The following ADK variants were observed in gnomAD, a reference collection of about 807,000 sequenced individuals.
The protein encoded by ADK is adenosine kinase, also known as N6,N6-dimethyladenosine kinase.
Under a neutral mutation model 44.7 loss-of-function variants are expected in ADK, and 24 were observed. The observed-to-expected ratio is 0.54, with a 90% CI of 0.39 to 0.76. The LOEUF (loss-of-function observed/expected upper bound fraction) is 0.76, where lower values mean the gene tolerates loss of function less well. Ranked by LOEUF, ADK falls within the 30% of genes least tolerant of loss-of-function variation. The probability of loss-of-function intolerance (pLI) is 0.00; values close to 1 mark genes in which losing one functional copy is unlikely to be tolerated. For missense variants in ADK, 321 were observed against 425.1 expected, an observed-to-expected ratio of 0.76 and a Z score of 2.15; for synonymous variants, 128 against 142.6, an observed-to-expected ratio of 0.90 and a Z score of 0.73.
intron 4 of ADK, among the ~76,000 whole-genome samples, chr10:74,372,682 A>G (rs554146550): frequency 3.9e-5 from 6 of 152,338 alleles, no homozygotes; most frequent in South Asian, 2.1e-4. Context: ...TAAAAACTAC[A>G]TAACATTGAA....
chr10:74,370,584 C>A (rs1842627621), intron 4 of ADK, among the ~76,000 whole-genome samples: 1 of 152,054 alleles, frequency 6.6e-6, no homozygotes, highest in African/African-American at 2.4e-5. Flanking sequence ...AAAGCAACAT[C>A]TTTTTTACCT....
At chr10:74,240,115 A>G (rs1845147759) in intron 3 of ADK, among the ~76,000 whole-genome samples, 1 of 151,972 alleles carries the variant, frequency 6.6e-6, no homozygotes, top group African/African-American at 2.4e-5. Flanking sequence ...CCCAGGTTCA[A>G]GTGATTCTTG....
At chr10:74,656,815 G>A (rs933031047) in intron 9 of ADK, among the ~76,000 whole-genome samples, 1 of 152,136 alleles carries the variant, frequency 6.6e-6, no homozygotes, top group African/African-American at 2.4e-5. Context: ...ATAATCAAAT[G>A]TTAATTCAAA....
At chr10:74,267,636 G>A (rs1846258080) in intron 3 of ADK, among the ~76,000 whole-genome samples, 1 of 152,020 alleles carries the variant, frequency 6.6e-6, no homozygotes, top group Non-Finnish European at 1.5e-5. Context: ...AAAAGATGTT[G>A]GTATGGCTGA....
At chr10:74,224,718 C>T (rs1235848016) in intron 3 of ADK, 127 bp downstream of exon 3, 11 of 763,152 alleles carry the variant, frequency 1.4e-5, no homozygotes, top group Non-Finnish European at 1.1e-5. Flanking sequence ...TGACCTTAAT[C>T]CTAACAATTA....
At chr10:74,238,923 C>T (rs1057281153) in intron 3 of ADK, among the ~76,000 whole-genome samples, 2 of 127,458 alleles carry the variant, frequency 1.6e-5, no homozygotes, top group Non-Finnish European at 3.1e-5. Context: ...TGTAGTGGTG[C>T]GATCTCAGCT....
intron 3 of ADK, among the ~76,000 whole-genome samples, chr10:74,286,594 G>C (rs1337407006): frequency 6.6e-6 from 1 of 152,160 alleles, no homozygotes; most frequent in Admixed American, 6.5e-5. Context: ...ACGTTCTCTA[G>C]TATTGACAAC....
intron 10 of ADK, among the ~76,000 whole-genome samples, chr10:74,695,512 GT>G (rs1425730367): frequency 6.7e-6 from 1 of 149,632 alleles, no homozygotes; most frequent in African/African-American, 2.5e-5. Context: ...GTGTATGTGT[GT>G]ATATATGTAT....
chr10:74,595,676 C>CGAAAAATGAAA (rs768207911), intron 8 of ADK, among the ~76,000 whole-genome samples: 1 of 138,640 alleles, frequency 7.2e-6, no homozygotes, highest in African/African-American at 2.7e-5. Context: ...GCGCCCATCG[C>CGAAAAATGAAA]CATATCAGTT....
chr10:74,461,813 T>C (rs1846180056), intron 6 of ADK, among the ~76,000 whole-genome samples: 1 of 151,728 alleles, frequency 6.6e-6, no homozygotes, highest in South Asian at 2.1e-4. Flanking sequence ...TAATGAAATA[T>C]CTTATCTGTA....
At chr10:74,544,127 G>A (rs987204489) in intron 7 of ADK, among the ~76,000 whole-genome samples, 6 of 152,002 alleles carry the variant, frequency 3.9e-5, no homozygotes, top group Non-Finnish European at 5.9e-5. Flanking sequence ...ATGTGATTCT[G>A]TGATCTTGTG....
intron 1 of ADK, among the ~76,000 whole-genome samples, chr10:74,183,854 T>G (rs1842648367): frequency 6.6e-6 from 1 of 152,082 alleles, no homozygotes; most frequent in Non-Finnish European, 1.5e-5. Context: ...AAAACATAAA[T>G]AAACATTTTT....
At chr10:74,252,161 A>G (rs1207192359) in intron 3 of ADK, among the ~76,000 whole-genome samples, 1 of 152,050 alleles carries the variant, frequency 6.6e-6, no homozygotes, top group African/African-American at 2.4e-5. Context: ...TGGAATTGTG[A>G]GAGCTATCTT....
intron 8 of ADK, among the ~76,000 whole-genome samples, chr10:74,590,443 T>C (rs945441466): frequency 7.2e-5 from 11 of 152,156 alleles, no homozygotes; most frequent in Non-Finnish European, 7.4e-5. Flanking sequence ...AAGTAATACA[T>C]GTTCATGTTA....
At chr10:74,297,588 G>A (rs1839863359) in intron 3 of ADK, among the ~76,000 whole-genome samples, 1 of 152,204 alleles carries the variant, frequency 6.6e-6, no homozygotes, top group Non-Finnish European at 1.5e-5. Context: ...AAGTGAATAA[G>A]TGAGTTATTT....
intron 9 of ADK, among the ~76,000 whole-genome samples, chr10:74,611,411 G>A (rs1274075686): frequency 6.6e-6 from 1 of 151,576 alleles, no homozygotes; most frequent in Admixed American, 6.6e-5. Flanking sequence ...AATATATTAA[G>A]TCAGATGTTT....
chr10:74,279,434 A>C (rs1846830597), intron 3 of ADK, among the ~76,000 whole-genome samples: 1 of 151,880 alleles, frequency 6.6e-6, no homozygotes, highest in African/African-American at 2.4e-5. Flanking sequence ...AAAAATACAA[A>C]AATTAGCTGG....
At chr10:74,334,179 C>G (rs1375081708) in intron 4 of ADK, among the ~76,000 whole-genome samples, 1 of 152,136 alleles carries the variant, frequency 6.6e-6, no homozygotes, top group Non-Finnish European at 1.5e-5. Context: ...CTACTTCAGC[C>G]CTTGGCAATC....
intron 3 of ADK, among the ~76,000 whole-genome samples, chr10:74,272,943 G>A (rs1235328220): frequency 6.6e-6 from 1 of 152,170 alleles, no homozygotes; most frequent in Non-Finnish European, 1.5e-5. Context: ...AGATGCTTGG[G>A]CTTTTGCCTT....
Sources: gnomAD v4.1 joint callset for allele counts (sites outside exome capture counted in the v4.1 genomes callset) on GRCh38, gnomAD v4.1.1 for gene constraint, MANE v1.5 for transcripts, NCBI Gene and HGNC (gene_info 2026-07-23, HGNC 2026-07-21) for gene names.